Variants in GFAP observed in about 807,000 individuals in gnomAD.
The protein encoded by GFAP is intermediate filament protein.
GFAP carries 38 observed loss-of-function variants against 49.3 expected under a neutral mutation model. The ratio of observed to expected loss-of-function variants is 0.77; its 90% CI spans 0.60 to 1.01. GFAP has a LOEUF of 1.01. GFAP is among the 50% of genes least tolerant of loss of function. The pLI, the probability that GFAP is intolerant of heterozygous loss-of-function variation, is 0.00. For synonymous variants in GFAP, 222 were observed against 236.4 expected, an observed-to-expected ratio of 0.94 and a Z score of 0.56; for missense variants, 463 against 579.1, an observed-to-expected ratio of 0.80 and a Z score of 2.06.
chr17:44,908,401 C>G, intron 7 of GFAP: 1 of 437,728 alleles, frequency 2.3e-6, no homozygotes, highest in Non-Finnish European at 4.1e-6. Flanking sequence ...CCTGGCCTGG[C>G]ACCTGGCTTT....
rs746740091 is a variant in GFAP, at chr17:44,911,810, C to G, written c.781-13G>C. The G allele has an allele frequency of 3.7e-6, 6 of 1,611,214 alleles. No individual in the cohort carries two copies. The highest frequency in any genetic ancestry group is 1.1e-5 in the South Asian group (1 of 90,974). ...TCAGGTCTGCAAACTAGGTGGGGGACACATATGGGGGGCTGTGTGGGCCCA... is the reference window on the plus strand; with the variant it reads ...TCAGGTCTGCAAACTAGGTGGGGGAGACATATGGGGGGCTGTGTGGGCCCA... On this transcript the variant is annotated splice_polypyrimidine_tract_variant and intron_variant, in intron 4 of 8. Transcript: ENST00000588735.
rs774008775 is a variant in GFAP, at chr17:44,904,474, C to T, written c.*2873G>A. On this transcript the variant is annotated 3_prime_UTR_variant, in exon 9 of 9. Transcript: ENST00000588735. ...CCGTGCCCGATGTGGTGTCTTGTGGCTCAAGGGCTGTGCCAAGGAAGCTGC... is the reference window on the plus strand; with the variant it reads ...CCGTGCCCGATGTGGTGTCTTGTGGTTCAAGGGCTGTGCCAAGGAAGCTGC... 1.2e-5 allele frequency: 19 copies of T among 1,546,880 alleles called. No homozygotes were observed. Among genetic ancestry groups the T allele is most frequent in the East Asian group, 2.4e-5 (1 of 40,872 alleles).
At position 44,915,444 on chromosome 17, in the gene GFAP, C is replaced by G. The variant is rs146698039; in HGVS notation, c.43G>C (p.Val15Leu). 1.7e-5 allele frequency: 27 copies of G among 1,608,456 alleles called. No homozygotes were observed. The highest frequency in any genetic ancestry group is 3.3e-4 in the Middle Eastern group (2 of 6,014). ...CCCACCATCATCTCCCCTGAGGAGA[C>G]GTAGGAGCGGCGAGCAGCGGAGGTG... Reference protein sequence around the residue: ...RITSAARRSYVSSGEMMVGGL... With the variant: ...RITSAARRSYLSSGEMMVGGL... Residue 15 changes from valine (V) to leucine (L), a missense_variant, in exon 1 of 9, where the codon GTC (valine) becomes CTC (leucine). Val to Leu is a conservative substitution (Grantham distance 32). Around this residue, in one of 3 missense-constraint regions of GFAP, gnomAD observed 89 missense variants for 87.5 expected, o/e 1.02. Coordinates refer to ENST00000588735, the MANE Select transcript of GFAP (RefSeq NM_002055.5). This position sits in a 1 kb window ranked among gnomAD's most constrained non-coding sequence, Gnocchi z 4.1.
In GFAP at chr17:44,904,625, C is replaced by T. The variant is rs1057231536; in HGVS notation, c.*2722G>A. 36 of 1,550,436 alleles carry T rather than the reference C, an allele frequency of 2.3e-5. No homozygotes were observed. Among genetic ancestry groups the T allele is most frequent in the African/African-American group, 2.7e-5 (2 of 73,036 alleles). ...TAACTATGTGTCCAAAGTGGGCAGCCGGCCCTGGGTGCCCCAGGTGCCCAT... is the reference window on the plus strand; with the variant it reads ...TAACTATGTGTCCAAAGTGGGCAGCTGGCCCTGGGTGCCCCAGGTGCCCAT... On this transcript the variant is annotated 3_prime_UTR_variant, in exon 9 of 9. Coordinates refer to ENST00000588735, the MANE Select transcript of GFAP (RefSeq NM_002055.5).
chr17:44,914,962 C>T, intron 1 of GFAP, 64 bp downstream of exon 1: 1 of 1,439,460 alleles, frequency 6.9e-7, no homozygotes, highest in Non-Finnish European at 9.6e-7. Flanking sequence ...ACTTCTCGGG[C>T]ACTCCTTCTT....
Position 44,915,454 on chromosome 17 carries a change from G to A in GFAP, c.33C>T (p.Arg11=). The change falls in exon 1 of 9, where the codon CGC becomes CGT. Residue 11 remains arginine, a synonymous_variant. Coordinates refer to ENST00000588735, the MANE Select transcript of GFAP (RefSeq NM_002055.5). The surrounding 1 kb of genome is among the most constrained non-coding windows in gnomAD (Gnocchi z 4.1). ...TCTCCCCTGAGGAGACGTAGGAGCG[G>A]CGAGCAGCGGAGGTGATGCGTCTCC... The part of the protein sequence containing the change: MERRRITSAA[R]RSYVSSGEMM... 1 of 1,602,726 alleles carries A rather than the reference G, an allele frequency of 6.2e-7. No homozygotes were observed. Among genetic ancestry groups the A allele is most frequent in the Non-Finnish European group, 8.5e-7 (1 of 1,175,276 alleles).
rs8079065 is a variant in GFAP, at chr17:44,914,783, A to T, written c.461+243T>A. ...CTGCTCCTGCACTGCTTTCCCCAGTAGGGAGGTGCTGAGGGGACCCTGGAC... is the reference window on the plus strand; with the variant it reads ...CTGCTCCTGCACTGCTTTCCCCAGTTGGGAGGTGCTGAGGGGACCCTGGAC... On this transcript the variant is annotated intron_variant, in intron 1 of 8. Transcript: ENST00000588735. 5.4e-3 allele frequency: 3,108 copies of T among 572,614 alleles called. 57 individuals carry two copies. Among genetic ancestry groups the T allele is most frequent in the African/African-American group, 0.046 (2,479 of 53,330 alleles). The allele number at this position is 572,614 out of a possible 1,614,324, so 35.5% of individuals were successfully genotyped here. A position where few individuals can be genotyped will look rare whatever the true frequency, so the allele number is the denominator to read the frequency against.
At chr17:44,914,941 C>G (rs2145641363) in intron 1 of GFAP, 85 bp downstream of exon 1, 2 of 1,234,666 alleles carry the variant, frequency 1.6e-6, no homozygotes, top group East Asian at 4.8e-5. Context: ...GAGGTTCGGC[C>G]CCTCCCTGAG....
rs759844035 is a variant in GFAP, at chr17:44,913,428, C to A, written c.621G>T (p.Glu207Asp). The A allele has an allele frequency of 3.1e-6, 5 of 1,614,012 alleles. No homozygotes were observed. The highest frequency in any genetic ancestry group is 1.1e-5 in the South Asian group (1 of 91,076). The change falls in exon 4 of 9, where the codon GAG becomes GAT. Residue 207 changes from glutamate (E) to aspartate (D), a missense_variant and splice_region_variant. Physicochemically the swap from Glu to Asp is conservative, Grantham distance 45. This residue lies in a region of GFAP where 362 missense variants were observed against 445.5 expected (regional missense o/e 0.81). Coordinates refer to ENST00000588735, the MANE Select transcript of GFAP (RefSeq NM_002055.5). ...CCAGCTGCTCCTGGAGTTCCCGAAC[C>A]TCCTGACCAGGGTGAGAGAAGCGGT... ...IRFLRKIHEEEVRELQEQLAR... is the reference protein window; with the variant it reads ...IRFLRKIHEEDVRELQEQLAR...
intron 7 of GFAP, chr17:44,909,102 GGAAGGAAGGAAA>G (rs1199755999): frequency 1.3e-5 from 2 of 150,928 alleles, no homozygotes; most frequent in African/African-American, 2.4e-5. Context: ...CTCTGCCGAA[GGAAGGAAGGAAA>G]GAAGGAAGGA....
At chr17:44,914,204 G>C in intron 1 of GFAP, 116 bp from the exon 2 acceptor site, 1 of 724,586 alleles carries the variant, frequency 1.4e-6, no homozygotes, top group Non-Finnish European at 2.5e-6. Flanking sequence ...GACCAGTAGA[G>C]CAGCAGGAGG....
chr17:44,908,400 G>A, intron 7 of GFAP: 1 of 437,558 alleles, frequency 2.3e-6, no homozygotes. Context: ...CCCTGGCCTG[G>A]CACCTGGCTT....
At chr17:44,914,350 CA>C in intron 1 of GFAP, 1 of 539,626 alleles carries the variant, frequency 1.9e-6, no homozygotes, top group Non-Finnish European at 3.3e-6. Context: ...CATCCACAAG[CA>C]TACACTCACT....
chr17:44,910,007 A>G, intron 7 of GFAP: 1 of 1,546,894 alleles, frequency 6.5e-7, no homozygotes, highest in Non-Finnish European at 8.7e-7. Context: ...AGTTCCTGGG[A>G]AAATGACGCA....
At chr17:44,911,999 G>A (rs549486483) in intron 4 of GFAP, among the ~76,000 whole-genome samples, 80 of 152,366 alleles carry the variant, frequency 5.3e-4, no homozygotes, top group Middle Eastern at 3.4e-3. Flanking sequence ...TGGTCAGCAA[G>A]CGAATGAATG....
chr17:44,905,361 G>C lies in GFAP; in HGVS notation c.*1986C>G. The C allele has an allele frequency of 2.4e-6, 1 of 418,016 alleles. No individual in the cohort carries two copies. Among genetic ancestry groups the C allele is most frequent in the East Asian group, 4.8e-5 (1 of 20,814 alleles). 25.9% of individuals were successfully genotyped at this position (418,016 alleles called of 1,614,324 possible). A position where few individuals can be genotyped will look rare whatever the true frequency, so the allele number is the denominator to read the frequency against. ...GAAAGTGTGAACTCAGATTTATCCA[G>C]TGGTAAACACTGATCAGTGTTGAAT... On this transcript the variant is annotated 3_prime_UTR_variant, in exon 9 of 9. Transcript: ENST00000588735.
chr17:44,904,948 G>C lies in GFAP; in HGVS notation c.*2399C>G, dbSNP rs1418244342. On this transcript the variant is annotated 3_prime_UTR_variant, in exon 9 of 9. Coordinates refer to ENST00000588735, the MANE Select transcript of GFAP (RefSeq NM_002055.5). ...ACCCAGCCTCGTTCTCAGATCCTGAGACTCGCTCGGCTGTGGAGCTCACCC... is the reference window on the plus strand; with the variant it reads ...ACCCAGCCTCGTTCTCAGATCCTGACACTCGCTCGGCTGTGGAGCTCACCC... 6.4e-7 allele frequency: 1 copy of C among 1,550,700 alleles called. No homozygotes were observed. The highest frequency in any genetic ancestry group is 1.2e-5 in the South Asian group (1 of 84,058).
intron 6 of GFAP, chr17:44,911,017 C>T: frequency 3.2e-6 from 2 of 624,576 alleles, no homozygotes; most frequent in Non-Finnish European, 5.7e-6. Context: ...AAGTCCTTGG[C>T]CTTGAGGCCT....
chr17:44,909,797 G>C (rs2051716094), intron 7 of GFAP: 1 of 1,151,054 alleles, frequency 8.7e-7, no homozygotes, highest in South Asian at 2.5e-5. Context: ...AAAGAATAAA[G>C]CAGAGAGCCT....
Sources: gnomAD v4.1 joint callset for allele counts (sites outside exome capture counted in the v4.1 genomes callset) on GRCh38, gnomAD v4.1.1 for gene constraint, gnomAD v4.1.1 regional missense constraint, Gnocchi (gnomAD v3.1) non-coding constraint, MANE v1.5 for transcripts, NCBI Gene and HGNC (gene_info 2026-07-23, HGNC 2026-07-21) for gene names.